Variants in EPHB1 observed in about 807,000 individuals in gnomAD.
EPHB1 encodes the protein ephrin type-B receptor 1.
Under a neutral mutation model 94.4 loss-of-function variants are expected in EPHB1, and 30 were observed. That is an observed-to-expected ratio of 0.32 (90% CI 0.24 to 0.43). EPHB1 has a LOEUF of 0.43. EPHB1 is among the 20% of genes least tolerant of loss of function. The probability of loss-of-function intolerance (pLI) is 1.00; values close to 1 mark genes in which losing one functional copy is unlikely to be tolerated. For synonymous variants in EPHB1, 522 were observed against 489.1 expected (o/e 1.07, Z -0.89); for missense variants, 1,055 against 1,308.3 (o/e 0.81, Z 2.99).
At chr3:134,917,552 C>T (rs560771908) in intron 1 of EPHB1, among the ~76,000 whole-genome samples, 11 of 152,300 alleles carry the variant, frequency 7.2e-5, no homozygotes, top group Admixed American at 1.3e-4. Flanking sequence ...TTCTAGTTAC[C>T]GTAATTAATT....
chr3:135,140,712 C>A (rs1384751099), intron 5 of EPHB1, among the ~76,000 whole-genome samples: 1 of 152,152 alleles, frequency 6.6e-6, no homozygotes, highest in Non-Finnish European at 1.5e-5. Context: ...CCTACCTCCC[C>A]CACTGGCAGG....
At chr3:135,190,398 C>T (rs1942424362) in intron 10 of EPHB1, among the ~76,000 whole-genome samples, 1 of 152,172 alleles carries the variant, frequency 6.6e-6, no homozygotes, top group Admixed American at 6.5e-5. Flanking sequence ...GGAAGAAATA[C>T]TAACCAATAT....
At chr3:135,146,723 G>T (rs1359558516) in intron 5 of EPHB1, among the ~76,000 whole-genome samples, 2 of 152,152 alleles carry the variant, frequency 1.3e-5, no homozygotes, top group Non-Finnish European at 2.9e-5. Context: ...ATCCACCATG[G>T]CTTGGTCGAC....
intron 3 of EPHB1, among the ~76,000 whole-genome samples, chr3:134,981,665 G>A (rs36109): frequency 0.63 from 95,926 of 152,026 alleles, 32,088 homozygotes; most frequent in African/African-American, 0.83. Context: ...CCATGCCTGC[G>A]TGCATCTGTG....
intron 12 of EPHB1, among the ~76,000 whole-genome samples, chr3:135,239,459 G>T (rs751040190): frequency 6.6e-6 from 1 of 152,172 alleles, no homozygotes; most frequent in Non-Finnish European, 1.5e-5. Context: ...GGGAGCTGCC[G>T]TCCCTGCTCT....
chr3:134,937,322 AAC>A (rs1420334601), intron 2 of EPHB1, among the ~76,000 whole-genome samples: 4 of 152,246 alleles, frequency 2.6e-5, no homozygotes, highest in Non-Finnish European at 4.4e-5. Flanking sequence ...CAATTGGGAG[AAC>A]ACACAGAATG....
intron 1 of EPHB1, among the ~76,000 whole-genome samples, chr3:134,881,486 G>A (rs992327099): frequency 1.2e-4 from 18 of 152,100 alleles, no homozygotes; most frequent in African/African-American, 3.9e-4. Context: ...TTCTAAAGCC[G>A]CCTCACCTGG....
rs79554098 is a variant in EPHB1, at chr3:135,095,414, C to T, written c.806-11034C>T. ...ATAGCTCTTGAATCTATCTACTTCT[C>T]TCTGTTCCCACTACCCTAATCCATT... On this transcript the variant is annotated intron_variant, in intron 3 of 15. Transcript: ENST00000398015. 5.1e-3 allele frequency among the ~76,000 whole-genome samples: 771 copies of T among 152,310 alleles called. 10 individuals are homozygous for T. Among genetic ancestry groups the T allele is most frequent in the African/African-American group, 0.018 (737 of 41,572 alleles).
chr3:134,835,746 G>T (rs770634337), intron 1 of EPHB1, among the ~76,000 whole-genome samples: 2 of 152,188 alleles, frequency 1.3e-5, no homozygotes, highest in African/African-American at 2.4e-5. Flanking sequence ...TAGCCTGAGT[G>T]GGGAGGAGGA....
At chr3:134,826,636 A>C (rs936916522) in intron 1 of EPHB1, among the ~76,000 whole-genome samples, 1 of 152,234 alleles carries the variant, frequency 6.6e-6, no homozygotes, top group Non-Finnish European at 1.5e-5. Context: ...ATAATAAATC[A>C]TCATTTTGGC....
chr3:134,834,099 G>A (rs996843516), intron 1 of EPHB1, among the ~76,000 whole-genome samples: 1 of 152,164 alleles, frequency 6.6e-6, no homozygotes, highest in African/African-American at 2.4e-5. Context: ...CTAGAGAGCA[G>A]GGAGGAAGAC....
chr3:134,912,811 C>G (rs918747011), intron 1 of EPHB1, among the ~76,000 whole-genome samples: 2 of 152,208 alleles, frequency 1.3e-5, no homozygotes, highest in East Asian at 3.9e-4. Context: ...CTTGGGGTCC[C>G]CAGCCATGGT....
chr3:135,108,185 G>C (rs1026015402), intron 4 of EPHB1, among the ~76,000 whole-genome samples: 1 of 152,104 alleles, frequency 6.6e-6, no homozygotes. Flanking sequence ...GTGTGCAGCC[G>C]TTGACTTTAA....
At chr3:135,174,183 C>T (rs1941908534) in intron 9 of EPHB1, among the ~76,000 whole-genome samples, 2 of 152,180 alleles carry the variant, frequency 1.3e-5, no homozygotes, top group Admixed American at 1.3e-4. Context: ...ACTTTCAGTA[C>T]ATCTGTCCCC....
At chr3:134,822,311 A>T (rs1246845650) in intron 1 of EPHB1, among the ~76,000 whole-genome samples, 1 of 151,888 alleles carries the variant, frequency 6.6e-6, no homozygotes, top group East Asian at 1.9e-4. Context: ...CAAACTCCAC[A>T]CACCACTCCC....
chr3:135,102,713 G>A (rs1037732741), intron 3 of EPHB1, among the ~76,000 whole-genome samples: 1 of 152,142 alleles, frequency 6.6e-6, no homozygotes, highest in Non-Finnish European at 1.5e-5. Flanking sequence ...CAATAGCAAA[G>A]ACTTGGAACC....
At chr3:135,079,979 G>T (rs975847024) in intron 3 of EPHB1, among the ~76,000 whole-genome samples, 1 of 152,156 alleles carries the variant, frequency 6.6e-6, no homozygotes, top group Non-Finnish European at 1.5e-5. Context: ...GGACGAAGAG[G>T]TGTGACAGTG....
At chr3:135,180,499 CTTTGTTTG>C (rs946565298) in intron 10 of EPHB1, among the ~76,000 whole-genome samples, 2 of 152,198 alleles carry the variant, frequency 1.3e-5, no homozygotes, top group Non-Finnish European at 2.9e-5. Flanking sequence ...TGTTTGTTTT[CTTTGTTTG>C]TTTGTTTTAC....
chr3:135,111,164 A>G (rs1216500854), intron 4 of EPHB1, among the ~76,000 whole-genome samples: 3 of 152,164 alleles, frequency 2.0e-5, no homozygotes, highest in Admixed American at 6.5e-5. Context: ...ATCATGCTCA[A>G]TAAGATCCCC....
Sources: gnomAD v4.1 joint callset for allele counts (sites outside exome capture counted in the v4.1 genomes callset) on GRCh38, gnomAD v4.1.1 for gene constraint, MANE v1.5 for transcripts, NCBI Gene and HGNC (gene_info 2026-07-23, HGNC 2026-07-21) for gene names.